AGMO: variants seen among roughly 807,000 people sequenced by gnomAD.
AGMO encodes alkylglycerol monooxygenase.
A neutral mutation model predicts 60.2 loss-of-function variants in AGMO; 75 were observed. The observed-to-expected ratio is 1.25, with a 90% CI of 1.03 to 1.51. The LOEUF is 1.51. AGMO is among the 40% of genes most tolerant of loss of function. The pLI, the probability that AGMO is intolerant of heterozygous loss-of-function variation, is 0.00. For missense variants in AGMO, 763 were observed against 525.5 expected (o/e 1.45, Z -4.42); for synonymous variants, 261 against 177.1 (o/e 1.47, Z -3.76).
At chr7:15,344,942 A>G (rs969889817) in intron 12 of AGMO, among the ~76,000 whole-genome samples, 6 of 152,210 alleles carry the variant, frequency 3.9e-5, no homozygotes, top group African/African-American at 1.4e-4. Flanking sequence ...GCAAAGAATG[A>G]GAACAATTAT....
chr7:15,283,698 A>C (rs1291114766), intron 12 of AGMO, among the ~76,000 whole-genome samples: 1 of 152,062 alleles, frequency 6.6e-6, no homozygotes, highest in Non-Finnish European at 1.5e-5. Context: ...ACAAAGAAAC[A>C]ATAACTTACA....
intron 12 of AGMO, among the ~76,000 whole-genome samples, chr7:15,272,137 C>CT (rs140574892): frequency 1.3e-4 from 20 of 151,140 alleles, no homozygotes; most frequent in African/African-American, 3.2e-4. Flanking sequence ...CCCTTTTTTT[C>CT]TTTTTTTTAT....
the AGMO span, among the ~76,000 whole-genome samples, chr7:15,160,829 T>C: frequency 2.0e-5 from 3 of 152,300 alleles, no homozygotes; most frequent in East Asian, 5.8e-4. Flanking sequence ...TAATGCACTC[T>C]GTGCTGCTAT....
rs139182080 is a variant in AGMO at position 15,561,772 on chromosome 7, G to A, written c.74C>T (p.Pro25Leu). The A allele has an allele frequency of 6.2e-7, 1 of 1,611,538 alleles. No individual in the cohort carries two copies. Among genetic ancestry groups the A allele is most frequent in the South Asian group, 1.1e-5 (1 of 90,786 alleles). Residue 25 changes from proline to leucine, a missense_variant, in exon 1 of 13, where the codon CCC (proline) becomes CTC (leucine). Physicochemically the swap from Pro to Leu is moderately conservative, Grantham distance 98 (BLOSUM62 -3). Coordinates refer to ENST00000342526, the MANE Select transcript of AGMO (RefSeq NM_001004320.2). ...TAATGTTTGGAATGAAGTTTCACTG[G>A]GTTTCATCGTGTAAAACAACATGCG... Reference protein sequence around the residue: ...GFRMLFYTMKPSETSFQTLEE... With the variant: ...GFRMLFYTMKLSETSFQTLEE...
the AGMO span, among the ~76,000 whole-genome samples, chr7:15,117,305 A>G: frequency 1.4e-4 from 21 of 152,012 alleles, no homozygotes; most frequent in Non-Finnish European, 2.9e-4. Flanking sequence ...AAGGAACAAG[A>G]GAGGACTTTA....
At chr7:15,194,247 C>T in the AGMO span, among the ~76,000 whole-genome samples, 1 of 152,040 alleles carries the variant, frequency 6.6e-6, no homozygotes, top group Non-Finnish European at 1.5e-5. Context: ...AATCAGATGG[C>T]AGTGAGATGA....
intron 3 of AGMO, among the ~76,000 whole-genome samples, chr7:15,443,400 A>T (rs1781615520): frequency 6.6e-6 from 1 of 151,908 alleles, no homozygotes; most frequent in African/African-American, 2.4e-5. Flanking sequence ...CGCCCATCTC[A>T]TGCCCTGTAA....
the AGMO span, among the ~76,000 whole-genome samples, chr7:15,147,280 C>T: frequency 6.6e-6 from 1 of 152,082 alleles, no homozygotes; most frequent in African/African-American, 2.4e-5. Context: ...ATATCCGAGA[C>T]TGGGTAATTT....
the AGMO span, among the ~76,000 whole-genome samples, chr7:15,139,549 GTT>G: frequency 6.6e-6 from 1 of 151,998 alleles, no homozygotes; most frequent in Admixed American, 6.6e-5. Flanking sequence ...CGTGCCTGTA[GTT>G]CCCTTTTTTG....
chr7:15,443,429 C>T (rs530085112), intron 3 of AGMO, among the ~76,000 whole-genome samples: 1 of 152,316 alleles, frequency 6.6e-6, no homozygotes, highest in East Asian at 1.9e-4. Context: ...GGGAACTTTT[C>T]TTGTTTCAAT....
chr7:15,357,394 C>T (rs1782579660), intron 12 of AGMO, among the ~76,000 whole-genome samples: 1 of 151,996 alleles, frequency 6.6e-6, no homozygotes, highest in Admixed American at 6.6e-5. Flanking sequence ...ATACACTAAC[C>T]ACCACCGTGA....
At chr7:15,523,567 C>A (rs955396363) in intron 3 of AGMO, among the ~76,000 whole-genome samples, 2 of 152,058 alleles carry the variant, frequency 1.3e-5, no homozygotes, top group African/African-American at 2.4e-5. Flanking sequence ...TCATTCTCAG[C>A]AAACTAACAC....
At chr7:15,123,333 T>A in the AGMO span, among the ~76,000 whole-genome samples, 7 of 152,110 alleles carry the variant, frequency 4.6e-5, no homozygotes, top group Non-Finnish European at 7.4e-5. Context: ...CTATTAAGTA[T>A]GTTGCACCTT....
intron 12 of AGMO, among the ~76,000 whole-genome samples, chr7:15,343,067 G>C (rs1420251484): frequency 1.3e-5 from 2 of 151,948 alleles, no homozygotes; most frequent in Non-Finnish European, 2.9e-5. Context: ...AAAACCTTAA[G>C]AAAATTTATA....
intron 3 of AGMO, among the ~76,000 whole-genome samples, chr7:15,441,870 T>G (rs1263176443): frequency 6.6e-6 from 1 of 152,144 alleles, no homozygotes; most frequent in Non-Finnish European, 1.5e-5. Context: ...AACTGCAATC[T>G]CTCTTCATTC....
intron 12 of AGMO, among the ~76,000 whole-genome samples, chr7:15,356,507 T>A (rs1052243193): frequency 7.9e-5 from 12 of 151,978 alleles, no homozygotes; most frequent in African/African-American, 2.9e-4. Context: ...AATGAAATAA[T>A]ATATTGCTTA....
At chr7:15,478,949 G>A (rs1048013932) in intron 3 of AGMO, among the ~76,000 whole-genome samples, 3 of 152,072 alleles carry the variant, frequency 2.0e-5, no homozygotes, top group African/African-American at 7.2e-5. Flanking sequence ...ATAGGTATGG[G>A]AAACTTAATC....
the AGMO span, among the ~76,000 whole-genome samples, chr7:15,158,658 A>G: frequency 6.6e-6 from 1 of 152,206 alleles, no homozygotes. Context: ...AGAACTTACA[A>G]TAAACTAGGT....
chr7:15,273,811 G>C (rs1001505970), intron 12 of AGMO, among the ~76,000 whole-genome samples: 4 of 152,248 alleles, frequency 2.6e-5, no homozygotes, highest in African/African-American at 9.6e-5. Context: ...GCAGTGGTTT[G>C]TAGTTCTCTT....
Sources: allele counts gnomAD v4.1 joint callset (sites outside exome capture counted in the v4.1 genomes callset), GRCh38; gene constraint gnomAD v4.1.1; transcripts MANE v1.5; gene names NCBI Gene and HGNC (gene_info 2026-07-23, HGNC 2026-07-21).